The following UST variants were observed in gnomAD, a reference collection of about 807,000 sequenced individuals.
UST encodes uronyl 2-sulfotransferase, also known as chondroitin sulfate 2-O-sulfotransferase.
A neutral mutation model predicts 45.6 loss-of-function variants in UST; 21 were observed. The ratio of observed to expected loss-of-function variants is 0.46; its 90% CI spans 0.33 to 0.66. UST has a LOEUF of 0.66. Among genes scored for constraint, UST ranks in the 30% least tolerant of loss-of-function variants. The pLI is 0.02. For missense variants in UST, 463 were observed against 512.4 expected (o/e 0.90, Z 0.93); for synonymous variants, 215 against 200.6 (o/e 1.07, Z -0.61).
At chr6:148,954,965 T>C (rs1417215957) in intron 4 of UST, among the ~76,000 whole-genome samples, 1 of 152,224 alleles carries the variant, frequency 6.6e-6, no homozygotes, top group Non-Finnish European at 1.5e-5. Context: ...CCTCAGTGTT[T>C]TGCTCTCCCT....
chr6:149,055,148 A>G (rs571812266), intron 7 of UST, among the ~76,000 whole-genome samples: 9 of 152,238 alleles, frequency 5.9e-5, no homozygotes, highest in South Asian at 2.1e-4. Flanking sequence ...GGTTACTAGA[A>G]AGTCATAAAT....
At chr6:148,752,450 A>G (rs965017339) in intron 1 of UST, among the ~76,000 whole-genome samples, 2 of 152,214 alleles carry the variant, frequency 1.3e-5, no homozygotes, top group African/African-American at 2.4e-5. Flanking sequence ...TTGGTTGGGG[A>G]CACAGTGGCA....
At chr6:149,012,463 G>A (rs2115014453) in intron 5 of UST, among the ~76,000 whole-genome samples, 1 of 152,264 alleles carries the variant, frequency 6.6e-6, no homozygotes, top group South Asian at 2.1e-4. Context: ...CTGCCTCAAT[G>A]GTGAATGACA....
intron 1 of UST, among the ~76,000 whole-genome samples, chr6:148,800,042 C>G (rs1777028660): frequency 6.6e-6 from 1 of 152,240 alleles, no homozygotes; most frequent in Non-Finnish European, 1.5e-5. Flanking sequence ...CGAGAGCTGT[C>G]TGCATCCTGA....
intron 1 of UST, among the ~76,000 whole-genome samples, chr6:148,821,264 C>T (rs937234987): frequency 2.0e-5 from 3 of 151,922 alleles, no homozygotes; most frequent in Non-Finnish European, 2.9e-5. Context: ...AGCCACCGCA[C>T]CTGGCTGTAT....
chr6:148,862,475 T>C (rs1369043045), intron 1 of UST, among the ~76,000 whole-genome samples: 1 of 152,236 alleles, frequency 6.6e-6, no homozygotes, highest in Non-Finnish European at 1.5e-5. Context: ...TGTCTTTTAA[T>C]TGGAGCATTT....
intron 5 of UST, among the ~76,000 whole-genome samples, chr6:148,970,094 C>T (rs1306267834): frequency 1.3e-5 from 2 of 152,172 alleles, no homozygotes; most frequent in Non-Finnish European, 2.9e-5. Context: ...ATACATTTGT[C>T]CTGGGTGTAT....
chr6:148,894,098 T>C (rs1052056371), intron 2 of UST, among the ~76,000 whole-genome samples: 1 of 151,924 alleles, frequency 6.6e-6, no homozygotes, highest in African/African-American at 2.4e-5. Flanking sequence ...AGGTGGGAAA[T>C]TGAGATATGA....
chr6:148,970,486 C>A (rs938671115), intron 5 of UST, among the ~76,000 whole-genome samples: 3 of 152,120 alleles, frequency 2.0e-5, no homozygotes, highest in African/African-American at 7.2e-5. Context: ...GGGGAACTTG[C>A]ATGAGGCTAC....
intron 3 of UST, among the ~76,000 whole-genome samples, chr6:148,947,160 C>A (rs1394280770): frequency 6.6e-6 from 1 of 152,116 alleles, no homozygotes; most frequent in South Asian, 2.1e-4. Flanking sequence ...TTGGAACTTT[C>A]TTCTGTAGAC....
chr6:148,915,326 AT>A (rs1457251437), intron 2 of UST, among the ~76,000 whole-genome samples: 3 of 152,072 alleles, frequency 2.0e-5, no homozygotes, highest in Non-Finnish European at 4.4e-5. Context: ...CAGGAACCAT[AT>A]TTTTGCGTGT....
At chr6:148,996,509 A>T (rs908305865) in intron 5 of UST, among the ~76,000 whole-genome samples, 1 of 152,184 alleles carries the variant, frequency 6.6e-6, no homozygotes, top group Admixed American at 6.5e-5. Flanking sequence ...ACAAGCCACC[A>T]CACCTGCCCT....
At chr6:149,054,160 T>C (rs1776530033) in intron 7 of UST, among the ~76,000 whole-genome samples, 1 of 152,132 alleles carries the variant, frequency 6.6e-6, no homozygotes, top group East Asian at 1.9e-4. Context: ...TTTGTAAATG[T>C]TCAGAAAGGG....
At chr6:148,941,491 T>C (rs1780125146) in intron 3 of UST, 57 bp downstream of exon 3, 2 of 1,527,694 alleles carry the variant, frequency 1.3e-6, no homozygotes, top group African/African-American at 2.8e-5. Flanking sequence ...TTTGTGTAAC[T>C]AGTGGGTGCC....
chr6:148,962,202 G>A (rs1364171466), intron 4 of UST, among the ~76,000 whole-genome samples: 1 of 152,252 alleles, frequency 6.6e-6, no homozygotes, highest in Non-Finnish European at 1.5e-5. Flanking sequence ...TATTCTGGAA[G>A]TCTTGCATTG....
chr6:148,787,355 T>C (rs1375997671), intron 1 of UST, among the ~76,000 whole-genome samples: 1 of 152,242 alleles, frequency 6.6e-6, no homozygotes, highest in African/African-American at 2.4e-5. Context: ...CATCTTAAGT[T>C]GATTTTTGTA....
intron 3 of UST, among the ~76,000 whole-genome samples, chr6:148,943,850 G>T (rs1331754161): frequency 1.3e-5 from 2 of 152,062 alleles, no homozygotes; most frequent in Non-Finnish European, 2.9e-5. Flanking sequence ...TAAAGATAAG[G>T]TAGAAAAAAC....
chr6:149,027,915 C>T (rs577620602), intron 7 of UST: 2 of 150,728 alleles, frequency 1.3e-5, no homozygotes, highest in Non-Finnish European at 2.9e-5. Flanking sequence ...ACGATCTCGG[C>T]TCACTGCAAC....
rs1777994466 is a variant in UST at position 148,846,524 on chromosome 6, C to G, written c.248-40462C>G. ...ATGACGAGTTAATGGGTGCAGCACA[C>G]CAGCATGGCACATGTATACATATGT... On this transcript the variant is annotated intron_variant, in intron 1 of 7. Transcript: ENST00000367463. Among the ~76,000 whole-genome samples the G allele has an allele frequency of 2.0e-5, 3 of 151,754 alleles. No homozygotes were observed. The South Asian group carries it at 6.3e-4, about 32-fold the overall frequency.
Sources: allele counts gnomAD v4.1 joint callset (sites outside exome capture counted in the v4.1 genomes callset), GRCh38; gene constraint gnomAD v4.1.1; transcripts MANE v1.5; gene names NCBI Gene and HGNC (gene_info 2026-07-23, HGNC 2026-07-21).